The following ZDHHC6 variants were observed in gnomAD, a reference collection of about 807,000 sequenced individuals.
ZDHHC6 encodes zDHHC palmitoyltransferase 6, also known as palmitoyltransferase ZDHHC6.
A neutral mutation model predicts 57.8 loss-of-function variants in ZDHHC6; 32 were observed. The ratio of observed to expected loss-of-function variants is 0.55; its 90% CI spans 0.42 to 0.74. ZDHHC6 has a LOEUF of 0.74. Among genes scored for constraint, ZDHHC6 ranks in the 30% least tolerant of loss-of-function variants. The pLI is 0.00. For missense variants in ZDHHC6, 433 were observed against 500.7 expected (o/e 0.86, Z 1.29); for synonymous variants, 128 against 158.0 (o/e 0.81, Z 1.42).
chr10:112,433,416 G>A (rs1185097151), intron 7 of ZDHHC6, 135 bp from the exon 8 acceptor site: 7 of 649,666 alleles, frequency 1.1e-5, no homozygotes, highest in Non-Finnish European at 1.7e-5. Flanking sequence ...ATAATTTAAA[G>A]GCCACAGGTT....
chr10:112,429,109 TTCTTGGATGG>T (rs1844852779), downstream of ZDHHC6, among the ~76,000 whole-genome samples: 1 of 152,248 alleles, frequency 6.6e-6, no homozygotes, highest in Non-Finnish European at 1.5e-5. Context: ...AAAGAGAATG[TTCTTGGATGG>T]TCTTTCTAGA....
rs760278501 is a variant in ZDHHC6, at chr10:112,442,273, CAG to C, written c.436_437del (p.Leu146ValfsTer93). ...CGYQNHASFTLFLLLAPLGCI... is the reference protein window; with the variant it reads ...CGYQNHASFTXFLLLAPLGCI... ...AACCCAGTGGTGCTAAAAGGAGAAA[CAG>C]TGTGAACGAAGCATGATTTTGGTAA... On this transcript the variant is annotated frameshift_variant, in exon 4 of 11. Coordinates refer to ENST00000369405, the MANE Select transcript of ZDHHC6 (RefSeq NM_022494.3). LOFTEE classifies it high-confidence loss of function. 1 of 1,613,888 alleles carries C rather than the reference CAG, an allele frequency of 6.2e-7. No homozygotes were observed. Among genetic ancestry groups the C allele is most frequent in the Non-Finnish European group, 8.5e-7 (1 of 1,179,832 alleles).
chr10:112,447,508 C>T, upstream of ZDHHC6: 1 of 1,603,226 alleles, frequency 6.2e-7, no homozygotes, highest in East Asian at 2.3e-5. Flanking sequence ...CTGGGGAGAG[C>T]TGGGAGGGTG....
downstream of ZDHHC6, chr10:112,426,262 C>A (rs2133690663): frequency 6.2e-7 from 1 of 1,613,808 alleles, no homozygotes; most frequent in South Asian, 1.1e-5. Context: ...CCATAGTCAT[C>A]CTTAGTAGGA....
intron 6 of ZDHHC6, among the ~76,000 whole-genome samples, chr10:112,437,386 C>G (rs1845643895): frequency 6.6e-6 from 1 of 152,102 alleles, no homozygotes. Context: ...GCAAGATAGA[C>G]TGATGAGTTT....
At chr10:112,436,871 A>G (rs1845584354) in intron 6 of ZDHHC6, among the ~76,000 whole-genome samples, 1 of 152,240 alleles carries the variant, frequency 6.6e-6, no homozygotes, top group African/African-American at 2.4e-5. Context: ...CAAAATGAGA[A>G]GTATACATAA....
upstream of ZDHHC6, chr10:112,447,039 A>T: frequency 3.5e-6 from 1 of 284,690 alleles, no homozygotes; most frequent in Non-Finnish European, 6.9e-6. Context: ...TTCCCAGAAC[A>T]CGAAGGGGGG....
At chr10:112,429,470 T>C (rs1369791462), downstream of ZDHHC6, among the ~76,000 whole-genome samples, 2 of 152,194 alleles carry the variant, frequency 1.3e-5, no homozygotes, top group Non-Finnish European at 2.9e-5. Context: ...ATCTTACATA[T>C]ATTTTACCTG....
downstream of ZDHHC6, among the ~76,000 whole-genome samples, chr10:112,429,403 G>A (rs954974367): frequency 1.3e-5 from 2 of 152,112 alleles, no homozygotes; most frequent in African/African-American, 4.8e-5. Context: ...CCCCTCATCT[G>A]CTTCAAATGC....
Position 112,434,377 on chromosome 10 carries a change from C to T in ZDHHC6, c.823G>A (p.Val275Ile). 1 of 1,613,938 alleles carries T rather than the reference C, an allele frequency of 6.2e-7. No individual in the cohort carries two copies. Among genetic ancestry groups the T allele is most frequent in the African/African-American group, 1.3e-5 (1 of 75,016 alleles). The change falls in exon 7 of 11, where the codon GTA (valine) becomes ATA (isoleucine). Residue 275 changes from valine (V) to isoleucine (I), a missense_variant. By Grantham distance (29) the Val-to-Ile change is conservative. Coordinates refer to ENST00000369405, the MANE Select transcript of ZDHHC6 (RefSeq NM_022494.3). ...TCAGGGACCCCTGACCACGTAAATA[C>T]CTGTTTAAAGTTCCTCCATCTACTT... Reference protein sequence around the residue: ...MGSRWRNFKQVFTWSGVPEGD... With the variant: ...MGSRWRNFKQIFTWSGVPEGD...
At chr10:112,426,112 T>C, downstream of ZDHHC6, 3 of 603,970 alleles carry the variant, frequency 5.0e-6, no homozygotes, top group South Asian at 2.0e-5. Flanking sequence ...GTTGAAAATA[T>C]ATGGTGAGAA....
downstream of ZDHHC6, chr10:112,427,171 A>G (rs774164253): frequency 6.4e-7 from 1 of 1,566,782 alleles, no homozygotes; most frequent in South Asian, 1.2e-5. Context: ...TCTGCAGAGA[A>G]GTCCAAATCA....
downstream of ZDHHC6, chr10:112,428,548 G>C: frequency 7.6e-6 from 3 of 392,786 alleles, no homozygotes; most frequent in Non-Finnish European, 9.0e-6. Context: ...GAGGCGGACG[G>C]ATCATGAGGT....
chr10:112,426,200 G>A, downstream of ZDHHC6: 2 of 1,352,172 alleles, frequency 1.5e-6, no homozygotes, highest in South Asian at 2.4e-5. Flanking sequence ...TTAACTACTG[G>A]GGGACATCCC....
chr10:112,426,238 C>T, downstream of ZDHHC6: 1 of 1,604,064 alleles, frequency 6.2e-7, no homozygotes, highest in Non-Finnish European at 8.5e-7. Flanking sequence ...GCCCTTGCAC[C>T]TTTTATTTCC....
chr10:112,438,122 CT>C (rs1180067786), intron 6 of ZDHHC6, among the ~76,000 whole-genome samples: 5 of 152,212 alleles, frequency 3.3e-5, no homozygotes, highest in African/African-American at 1.2e-4. Flanking sequence ...AAGCACCTTT[CT>C]GTGGGAGTTA....
At chr10:112,431,486 G>A (rs943554150) in intron 10 of ZDHHC6, among the ~76,000 whole-genome samples, 7 of 151,812 alleles carry the variant, frequency 4.6e-5, no homozygotes, top group Non-Finnish European at 8.8e-5. Context: ...GCTAATTTTT[G>A]TATTTTTAGT....
At chr10:112,429,391 G>A (rs1175872901), downstream of ZDHHC6, among the ~76,000 whole-genome samples, 1 of 152,082 alleles carries the variant, frequency 6.6e-6, no homozygotes, top group African/African-American at 2.4e-5. Context: ...CACATGACTT[G>A]TCCCCTCATC....
In ZDHHC6 at chr10:112,430,861, C is replaced by G. The variant is rs1357957700; in HGVS notation, c.1185G>C (p.Lys395Asn). The change falls in exon 11 of 11, where the codon AAG becomes AAC. Residue 395 changes from lysine (K) to asparagine (N), a missense_variant. Physicochemically the swap from Lys to Asn is moderately conservative, Grantham distance 94. Coordinates refer to ENST00000369405, the MANE Select transcript of ZDHHC6 (RefSeq NM_022494.3). ...GATCTGTTTCAGCATCACAGGGACA[C>G]TTTTCCACACATTTTCTAGGGAACC... ...RGWFPRKCVEKCPCDAETDQA... is the reference protein window; with the variant it reads ...RGWFPRKCVENCPCDAETDQA... The G allele has an allele frequency of 1.9e-6, 3 of 1,613,940 alleles. No individual in the cohort carries two copies. The highest frequency in any genetic ancestry group is 2.5e-6 in the Non-Finnish European group (3 of 1,179,916).
Sources: allele counts gnomAD v4.1 joint callset (sites outside exome capture counted in the v4.1 genomes callset), GRCh38; gene constraint gnomAD v4.1.1; transcripts MANE v1.5; gene names NCBI Gene and HGNC (gene_info 2026-07-23, HGNC 2026-07-21).